ZNF75D: variants seen among roughly 807,000 people sequenced by gnomAD.
ZNF75D encodes zinc finger protein 75.
ZNF75D carries 33 observed loss-of-function variants against 33.3 expected under a neutral mutation model. The ratio of observed to expected loss-of-function variants is 0.99; its 90% confidence interval spans 0.75 to 1.32. The LOEUF is 1.32. ZNF75D is among the 40% of genes most tolerant of loss of function. The probability of loss-of-function intolerance (pLI) is 0.00; values close to 1 mark genes in which losing one functional copy is unlikely to be tolerated. For synonymous variants in ZNF75D, 113 were observed against 130.6 expected (o/e 0.87, Z 0.92); for missense variants, 338 against 367.5 (o/e 0.92, Z 0.66).
intron 1 of ZNF75D, among the ~76,000 whole-genome samples, chrX:135,276,039 A>T (rs1162448667): frequency 8.9e-6 from 1 of 111,787 alleles, no homozygotes; most frequent in Non-Finnish European, 1.9e-5. Flanking sequence ...GAACCCAAAA[A>T]TCTGGCAAGA....
At chrX:135,315,147 A>G (rs1212741317) in intron 1 of ZNF75D, among the ~76,000 whole-genome samples, 12 of 110,939 alleles carry the variant, frequency 1.1e-4, no homozygotes, top group African/African-American at 3.9e-4. Context: ...TTTTATTTTC[A>G]TTTGTTTCAA....
Position 135,295,791 on chromosome X carries a change from G to C in ZNF75D, c.-142C>G, listed in dbSNP as rs938825461. On this transcript the variant is annotated 5_prime_UTR_variant, in exon 2 of 7. Coordinates refer to ENST00000370766, the MANE Select transcript of ZNF75D (RefSeq NM_007131.5). Reference sequence around the variant, plus strand: ...ACCTTCAGTCAGCTCTGGCTTCCCCGGAGGCCACTTTCCTCTTCCTCGGCT... The same window carrying C: ...ACCTTCAGTCAGCTCTGGCTTCCCCCGAGGCCACTTTCCTCTTCCTCGGCT... The C allele has an allele frequency of 8.9e-6, 1 of 112,154 alleles. No homozygotes were observed. Among genetic ancestry groups the C allele is most frequent in the African/African-American group, 3.3e-5 (1 of 30,767 alleles). The allele number at this position is 112,154 out of a possible 1,213,427, so 9.2% of individuals were successfully genotyped here. A position where few individuals can be genotyped will look rare whatever the true frequency, so the allele number is the denominator to read the frequency against.
intron 1 of ZNF75D, among the ~76,000 whole-genome samples, chrX:135,331,781 G>A (rs2084654470): frequency 1.8e-5 from 2 of 111,347 alleles, no homozygotes; most frequent in Non-Finnish European, 1.9e-5. Context: ...CGCTGTTACT[G>A]TCTCTCCCCT....
At position 135,291,542 on chromosome X, in the gene ZNF75D, A is replaced by T; in HGVS notation, c.626T>A (p.Leu209Ter). 2 of 1,210,340 alleles carry T rather than the reference A, an allele frequency of 1.7e-6. No individual in the cohort carries two copies. The highest frequency in any genetic ancestry group is 3.5e-5 in the South Asian group (2 of 56,938). ...GATTCTTTTCTGCTCAGAAAGGGCT[A>T]ACATCTGTTGATCATGCACAGCTGT... The part of the protein sequence containing the change: ...YERAVHDQQM[L>*]ALSEQKRIKH... The change falls in exon 5 of 7, where the codon TTA (leucine) becomes TAA (stop). Residue 209 changes from leucine to a stop codon, truncating the protein, a stop_gained. Coordinates refer to ENST00000370766, the MANE Select transcript of ZNF75D (RefSeq NM_007131.5). LOFTEE classifies it high-confidence loss of function.
At chrX:135,308,429 C>T (rs1383380755) in intron 1 of ZNF75D, among the ~76,000 whole-genome samples, 1 of 112,075 alleles carries the variant, frequency 8.9e-6, no homozygotes, top group Admixed American at 9.4e-5. Context: ...AACTAATCTA[C>T]CTGATAAACC....
intron 6 of ZNF75D, among the ~76,000 whole-genome samples, chrX:135,289,343 G>A (rs919090707): frequency 8.9e-6 from 1 of 112,198 alleles, no homozygotes; most frequent in African/African-American, 3.2e-5. Flanking sequence ...CAGGCCAGGC[G>A]TGGTGGCTCA....
At chrX:135,318,010 A>G (rs2084442457) in intron 1 of ZNF75D, among the ~76,000 whole-genome samples, 1 of 108,372 alleles carries the variant, frequency 9.2e-6, no homozygotes, top group South Asian at 4.1e-4. Flanking sequence ...CACTCACCTT[A>G]GCCCTGGGTG....
chrX:135,303,502 C>T (rs1556425187), intron 1 of ZNF75D, among the ~76,000 whole-genome samples: 2 of 112,399 alleles, frequency 1.8e-5, no homozygotes, highest in East Asian at 5.6e-4. Flanking sequence ...TAACAAAGCA[C>T]ATCTTGCACA....
intron 1 of ZNF75D, among the ~76,000 whole-genome samples, chrX:135,257,343 C>T (rs1232729160): frequency 1.8e-5 from 2 of 112,098 alleles, no homozygotes; most frequent in African/African-American, 6.5e-5. Flanking sequence ...GATGGAAGAG[C>T]CCTTGGGCTT....
chrX:135,275,837 C>T (rs2083897539), intron 1 of ZNF75D, among the ~76,000 whole-genome samples: 1 of 111,268 alleles, frequency 9.0e-6, no homozygotes, highest in African/African-American at 3.3e-5. Flanking sequence ...TTTAACCTTA[C>T]ACTAACTTTT....
At chrX:135,248,938 T>C (rs1384455345) in exon 4 of ZNF75D, 1 of 314,395 alleles carries the variant, frequency 3.2e-6, no homozygotes, top group African/African-American at 2.8e-5. Context: ...CAGCTTCCAC[T>C]TGTAATGGTT....
At chrX:135,316,434 T>C (rs782563788) in intron 1 of ZNF75D, among the ~76,000 whole-genome samples, 2 of 111,903 alleles carry the variant, frequency 1.8e-5, no homozygotes, top group South Asian at 7.4e-4. Context: ...TTAGAATTAT[T>C]TGTCATTGAC....
At chrX:135,318,081 A>ATG (rs2084444723) in intron 1 of ZNF75D, among the ~76,000 whole-genome samples, 1 of 97,250 alleles carries the variant, frequency 1.0e-5, no homozygotes, top group Non-Finnish European at 2.0e-5. Flanking sequence ...ATATATATAT[A>ATG]TATATATTTT....
In ZNF75D at chrX:135,294,251, C is replaced by A; in HGVS notation, c.-111G>T. The A allele has an allele frequency of 1.6e-6, 1 of 612,521 alleles. No individual in the cohort carries two copies. The highest frequency in any genetic ancestry group is 3.8e-5 in the South Asian group (1 of 26,399). 50.5% of individuals were successfully genotyped at this position (612,521 alleles called of 1,213,427 possible). A position where few individuals can be genotyped will look rare whatever the true frequency, so the allele number is the denominator to read the frequency against. On this transcript the variant is annotated 5_prime_UTR_variant, in exon 3 of 7. Coordinates refer to ENST00000370766, the MANE Select transcript of ZNF75D (RefSeq NM_007131.5). Reference sequence around the variant, plus strand: ...TACCAAATCAATGAATTGTTCTTCCCAAGAGCACTGAGGGAGAGCAGAAGA... The same window carrying A: ...TACCAAATCAATGAATTGTTCTTCCAAAGAGCACTGAGGGAGAGCAGAAGA...
intron 1 of ZNF75D, among the ~76,000 whole-genome samples, chrX:135,329,588 C>T (rs111774240): frequency 0.018 from 2,045 of 112,312 alleles, 53 homozygotes; most frequent in African/African-American, 0.062. Flanking sequence ...TTTTCAATGG[C>T]TGCTTTTTAT....
At chrX:135,292,556 C>A in intron 3 of ZNF75D, 83 bp from the exon 4 acceptor site, 2 of 873,092 alleles carry the variant, frequency 2.3e-6, no homozygotes, top group Non-Finnish European at 3.2e-6. Context: ...AGAGCAGAGC[C>A]CAGATTTGGG....
intron 1 of ZNF75D, among the ~76,000 whole-genome samples, chrX:135,259,302 T>C (rs2083827478): frequency 8.9e-6 from 1 of 112,023 alleles, no homozygotes; most frequent in South Asian, 3.7e-4. Context: ...CCATATGAAC[T>C]TTAAAGTAAT....
chrX:135,275,618 C>T (rs1556417493), intron 1 of ZNF75D, among the ~76,000 whole-genome samples: 1 of 110,022 alleles, frequency 9.1e-6, no homozygotes, highest in African/African-American at 3.3e-5. Flanking sequence ...TCTGGCGTTG[C>T]TTGTGTATGC....
At chrX:135,337,064 C>G (rs2084720986) in intron 1 of ZNF75D, among the ~76,000 whole-genome samples, 1 of 111,884 alleles carries the variant, frequency 8.9e-6, no homozygotes, top group Non-Finnish European at 1.9e-5. Context: ...TGACATGGAA[C>G]TTATCTGCGT....
Sources: gnomAD v4.1 joint callset for allele counts (sites outside exome capture counted in the v4.1 genomes callset) on GRCh38, gnomAD v4.1.1 for gene constraint, MANE v1.5 for transcripts, NCBI Gene and HGNC (gene_info 2026-07-23, HGNC 2026-07-21) for gene names.